Variants in CADPS2 observed in about 807,000 individuals in gnomAD.
The protein encoded by CADPS2 is calcium-dependent secretion activator 2.
A neutral mutation model predicts 172.5 loss-of-function variants in CADPS2; 93 were observed. The observed-to-expected ratio is 0.54, with a 90% CI of 0.46 to 0.64. The LOEUF (loss-of-function observed/expected upper bound fraction) is 0.64. Ranked by LOEUF, CADPS2 falls within the 30% of genes least tolerant of loss-of-function variation. The probability of loss-of-function intolerance (pLI) is 0.00; values close to 1 mark genes in which losing one functional copy is unlikely to be tolerated. For synonymous variants in CADPS2, 546 were observed against 555.2 expected (o/e 0.98, Z 0.23); for missense variants, 1,420 against 1,565.9 (o/e 0.91, Z 1.57).
At chr7:122,389,614 T>C (rs566428299) in intron 22 of CADPS2, among the ~76,000 whole-genome samples, 7 of 152,140 alleles carry the variant, frequency 4.6e-5, no homozygotes, top group Admixed American at 2.6e-4. Context: ...GTACATAGGC[T>C]AATACAGAAA....
intron 2 of CADPS2, among the ~76,000 whole-genome samples, chr7:122,716,004 T>A (rs1246875887): frequency 1.3e-5 from 2 of 152,126 alleles, no homozygotes; most frequent in Non-Finnish European, 2.9e-5. Context: ...GCTAGAAGAA[T>A]ACATTTCAAA....
At chr7:122,700,724 A>G (rs1188807976) in intron 2 of CADPS2, among the ~76,000 whole-genome samples, 2 of 152,174 alleles carry the variant, frequency 1.3e-5, no homozygotes, top group African/African-American at 4.8e-5. Context: ...CCAGAGAAAC[A>G]TTCATTACCA....
intron 17 of CADPS2, among the ~76,000 whole-genome samples, chr7:122,434,517 C>T (rs1285652802): frequency 6.6e-6 from 1 of 152,290 alleles, no homozygotes; most frequent in Non-Finnish European, 1.5e-5. Context: ...TAATCTCCTA[C>T]CTCTCTCCAA....
chr7:122,559,770 C>CAAAAAAAAAAAA (rs71161306), intron 7 of CADPS2, among the ~76,000 whole-genome samples: 1 of 85,152 alleles, frequency 1.2e-5, no homozygotes, highest in African/African-American at 4.6e-5. Flanking sequence ...GACTCCACCT[C>CAAAAAAAAAAAA]AAAAAAAAAA....
At chr7:122,524,451 A>T (rs996663830) in intron 8 of CADPS2, among the ~76,000 whole-genome samples, 12 of 152,176 alleles carry the variant, frequency 7.9e-5, no homozygotes, top group Non-Finnish European at 1.8e-4. Context: ...TTTGAGATAC[A>T]GTGTTTTCCA....
chr7:122,679,477 C>T (rs531315816), intron 2 of CADPS2, among the ~76,000 whole-genome samples: 2 of 152,228 alleles, frequency 1.3e-5, no homozygotes, highest in African/African-American at 2.4e-5. Flanking sequence ...AGGACGTGGA[C>T]GTTCATTAGT....
chr7:122,367,539 G>GT lies in CADPS2; in HGVS notation c.3388-6527dup, dbSNP rs202155427. On this transcript the variant is annotated intron_variant, in intron 25 of 29. Transcript: ENST00000449022. ...TAACCATATTCTAAACCTTCCCCCA[G>GT]TTTTTTTTTTTTTTTTTTTTTTTTT... Among the ~76,000 whole-genome samples, 728 of 100,528 alleles carry GT rather than the reference G, an allele frequency of 7.2e-3. 18 individuals are homozygous for GT. The highest frequency in any genetic ancestry group is 0.011 in the African/African-American group (259 of 22,678). The allele number at this position is 100,528 out of a possible 152,430, so 66.0% of individuals were successfully genotyped here.
intron 22 of CADPS2, among the ~76,000 whole-genome samples, chr7:122,392,040 G>A (rs1421238853): frequency 6.6e-6 from 1 of 152,074 alleles, no homozygotes; most frequent in Non-Finnish European, 1.5e-5. Context: ...GATTAAATGA[G>A]ATAAATAACT....
intron 2 of CADPS2, among the ~76,000 whole-genome samples, chr7:122,722,028 G>A (rs916591730): frequency 8.5e-5 from 13 of 152,158 alleles, no homozygotes; most frequent in African/African-American, 1.4e-4. Flanking sequence ...ATTTGGTATC[G>A]ATGGGACATA....
intron 8 of CADPS2, among the ~76,000 whole-genome samples, chr7:122,519,527 A>G (rs567050125): frequency 2.0e-4 from 31 of 152,220 alleles, no homozygotes; most frequent in Non-Finnish European, 3.8e-4. Flanking sequence ...ATCAGTCAGT[A>G]TAAACATAGC....
At chr7:122,751,379 C>T (rs1203426267) in intron 1 of CADPS2, among the ~76,000 whole-genome samples, 1 of 151,986 alleles carries the variant, frequency 6.6e-6, no homozygotes, top group African/African-American at 2.4e-5. Flanking sequence ...AATAAGGGCC[C>T]CCTAAAGTTT....
At chr7:122,369,574 CCCT>C (rs1225265434) in intron 25 of CADPS2, 1 of 152,198 alleles carries the variant, frequency 6.6e-6, no homozygotes, top group African/African-American at 2.4e-5. Flanking sequence ...GACCCCATAT[CCCT>C]CCTCTGAGCT....
chr7:122,567,167 T>C (rs954036723), intron 7 of CADPS2, among the ~76,000 whole-genome samples: 23 of 152,120 alleles, frequency 1.5e-4, no homozygotes, highest in African/African-American at 5.3e-4. Context: ...ATAGATAAAA[T>C]ATCACATGAA....
chr7:122,755,343 A>G (rs1358701160), intron 1 of CADPS2, among the ~76,000 whole-genome samples: 1 of 152,228 alleles, frequency 6.6e-6, no homozygotes, highest in Non-Finnish European at 1.5e-5. Context: ...GAACTAGGGC[A>G]TATAACTACC....
At chr7:122,503,244 C>T (rs1194037296) in intron 9 of CADPS2, among the ~76,000 whole-genome samples, 1 of 151,788 alleles carries the variant, frequency 6.6e-6, no homozygotes, top group Non-Finnish European at 1.5e-5. Context: ...CCATGCTGGC[C>T]AGGCTGGTCT....
At chr7:122,548,217 A>T (rs552017601) in intron 8 of CADPS2, among the ~76,000 whole-genome samples, 85 of 151,904 alleles carry the variant, frequency 5.6e-4, no homozygotes, top group African/African-American at 1.7e-3. Flanking sequence ...AAATTTTTTT[A>T]AAAAAACTAG....
At chr7:122,541,859 A>ATATATATTCATATATATT (rs1563649328) in intron 8 of CADPS2, among the ~76,000 whole-genome samples, 12 of 79,460 alleles carry the variant, frequency 1.5e-4, no homozygotes, top group Admixed American at 5.8e-4. Flanking sequence ...ATATATATTT[A>ATATATATTCATATATATT]TATATATGCA....
In CADPS2 at chr7:122,702,029, A is replaced by C. The variant is rs767949903; in HGVS notation, c.453+34926T>G. On this transcript the variant is annotated intron_variant, in intron 2 of 29. Transcript: ENST00000449022. Reference sequence around the variant, plus strand: ...CTCATCCCCTTCTTTGAGAACTCGCAGTTGAAGCTGGTCAATAGCTTTCTT... The same window carrying C: ...CTCATCCCCTTCTTTGAGAACTCGCCGTTGAAGCTGGTCAATAGCTTTCTT... 6 of 1,613,530 alleles carry C rather than the reference A, an allele frequency of 3.7e-6. No homozygotes were observed. The Admixed American group carries it at 1.0e-4, about 27-fold the overall frequency.
At chr7:122,617,245 C>A (rs1298735991) in intron 5 of CADPS2, among the ~76,000 whole-genome samples, 2 of 152,106 alleles carry the variant, frequency 1.3e-5, no homozygotes, top group Non-Finnish European at 1.5e-5. Flanking sequence ...CCTGCAGAAT[C>A]GTCATTTTCA....
Sources: allele counts gnomAD v4.1 joint callset (sites outside exome capture counted in the v4.1 genomes callset), GRCh38; gene constraint gnomAD v4.1.1; transcripts MANE v1.5; gene names NCBI Gene and HGNC (gene_info 2026-07-23, HGNC 2026-07-21).